Variants in CUX1 observed in about 807,000 individuals in gnomAD.
The protein encoded by CUX1 is cut like homeobox 1, also known as protein CASP.
Under a neutral mutation model 158.8 loss-of-function variants are expected in CUX1, and 31 were observed. That is an observed-to-expected ratio of 0.20 (90% CI 0.15 to 0.26). The LOEUF is 0.26. Among genes scored for constraint, CUX1 ranks in the 10% least tolerant of loss-of-function variants. The pLI is 1.00. For synonymous variants in CUX1, 879 were observed against 862.1 expected, an observed-to-expected ratio of 1.02 and a Z score of -0.34; for missense variants, 1,589 against 2,014.6, an observed-to-expected ratio of 0.79 and a Z score of 4.04.
intron 2 of CUX1, among the ~76,000 whole-genome samples, chr7:102,009,656 C>T (rs896520783): frequency 6.6e-6 from 1 of 152,254 alleles, no homozygotes; most frequent in Non-Finnish European, 1.5e-5. Context: ...GTCTTAAACC[C>T]TGGCCCTCTG....
intron 21 of CUX1, chr7:102,282,044 C>G (rs1038404303): frequency 3.0e-4 from 222 of 730,446 alleles, no homozygotes; most frequent in Non-Finnish European, 4.9e-4. Flanking sequence ...CTCTAGCTTG[C>G]GGCCATGCCT....
intron 1 of CUX1, among the ~76,000 whole-genome samples, chr7:101,915,683 TCAG>T (rs1280878989): frequency 6.6e-6 from 1 of 152,062 alleles, no homozygotes; most frequent in East Asian, 1.9e-4. Context: ...AGGGGATAGA[TCAG>T]CAGAAGGACT....
At chr7:102,264,147 A>T (rs1313552394) in intron 14 of CUX1, among the ~76,000 whole-genome samples, 1 of 150,528 alleles carries the variant, frequency 6.6e-6, no homozygotes, top group East Asian at 2.0e-4. Flanking sequence ...CTGGGATTAC[A>T]GGCGCCCACC....
In CUX1 at chr7:102,234,072, A is replaced by T. The variant is rs1357969102; in HGVS notation, c.3454A>T (p.Thr1152Ser). 1 of 1,541,970 alleles carries T rather than the reference A, an allele frequency of 6.5e-7. No individual in the cohort carries two copies. The highest frequency in any genetic ancestry group is 2.5e-5 in the East Asian group (1 of 40,654). The change falls in exon 22 of 24, where the codon ACC becomes TCC. Residue 1152 changes from threonine (T) to serine (S), a missense_variant. By Grantham distance (58) the Thr-to-Ser change is moderately conservative. This residue lies in a region of CUX1 where 259 missense variants were observed against 373.8 expected (regional missense o/e 0.69). Coordinates refer to ENST00000292535, the MANE Select transcript of CUX1 (RefSeq NM_181552.4). ...TCTAGGCCAGCGCTTATTTGGGGAG[A>T]CCATCTTAGGGCTCACCCAAGGCTC... ...NNLGQRLFGE[T>S]ILGLTQGSVS... is the part of the protein sequence containing the mutation.
chr7:101,967,047 TC>T (rs1045903810), intron 2 of CUX1, among the ~76,000 whole-genome samples: 25 of 152,086 alleles, frequency 1.6e-4, no homozygotes, highest in Non-Finnish European at 4.4e-5. Context: ...GGAGTCTCAC[TC>T]TGTTGCCCAG....
At chr7:102,111,045 T>A (rs1830829344) in intron 6 of CUX1, among the ~76,000 whole-genome samples, 1 of 152,160 alleles carries the variant, frequency 6.6e-6, no homozygotes, top group South Asian at 2.1e-4. Flanking sequence ...TTTATTATTA[T>A]GAGAGCATAT....
At chr7:101,935,692 G>C (rs898622106) in intron 2 of CUX1, among the ~76,000 whole-genome samples, 2 of 152,208 alleles carry the variant, frequency 1.3e-5, no homozygotes, top group African/African-American at 4.8e-5. Flanking sequence ...ACCCGGACCT[G>C]GTGTGGCAAT....
At chr7:101,857,522 G>A (rs1796986699) in intron 1 of CUX1, among the ~76,000 whole-genome samples, 1 of 152,206 alleles carries the variant, frequency 6.6e-6, no homozygotes, top group Admixed American at 6.5e-5. Flanking sequence ...CACGCTTTGA[G>A]TCAGGTGAAG....
intron 2 of CUX1, among the ~76,000 whole-genome samples, chr7:101,980,633 A>G (rs1487533404): frequency 3.3e-5 from 5 of 152,206 alleles, no homozygotes; most frequent in African/African-American, 1.2e-4. Flanking sequence ...GACCCTGGAG[A>G]CACCTCTCCC....
intron 4 of CUX1, among the ~76,000 whole-genome samples, chr7:102,072,473 A>G (rs1192584207): frequency 1.3e-5 from 2 of 152,206 alleles, no homozygotes; most frequent in Non-Finnish European, 1.5e-5. Flanking sequence ...TGGCCCTGCA[A>G]TCAGTCTGGT....
chr7:101,867,121 G>A (rs1489656281), intron 1 of CUX1, among the ~76,000 whole-genome samples: 5 of 152,306 alleles, frequency 3.3e-5, no homozygotes, highest in East Asian at 1.9e-4. Flanking sequence ...GGAGGCTGAG[G>A]CAGGAGAATG....
At chr7:102,278,045 C>G (rs781849984) in exon 18 of CUX1, 1 of 1,611,052 alleles carries the variant, frequency 6.2e-7, no homozygotes, top group South Asian at 1.1e-5. Context: ...GATCAAGTTC[C>G]TGCAGAGCTA....
rs150900667 is a variant in CUX1, at chr7:102,043,093, G to A, written c.189+14948G>A. On this transcript the variant is annotated intron_variant, in intron 3 of 23. Coordinates refer to ENST00000292535, the MANE Select transcript of CUX1 (RefSeq NM_181552.4). ...AGCCTCCTGATTAGCAGGGACTGTG[G>A]ACGTGTGCCACCACGCCTGGCTAAT... 4.8e-3 allele frequency among the ~76,000 whole-genome samples: 730 copies of A among 152,146 alleles called. 5 individuals are homozygous for A. The highest frequency in any genetic ancestry group is 0.016 in the African/African-American group (675 of 41,556).
chr7:102,165,158 C>T (rs905836228), intron 9 of CUX1, among the ~76,000 whole-genome samples: 2 of 152,084 alleles, frequency 1.3e-5, no homozygotes, highest in African/African-American at 4.8e-5. Flanking sequence ...CCTCTCCCCA[C>T]ACCTTCGCCC....
Position 101,869,075 on chromosome 7 carries a change from G to A in CUX1, c.31-47040G>A, listed in dbSNP as rs375975221. On this transcript the variant is annotated intron_variant, in intron 1 of 23. Transcript: ENST00000292535. The surrounding 1 kb of genome is among the most constrained non-coding windows in gnomAD (Gnocchi z 4.5). ...GACTTCCTGGCTTCCGAGGGCGGGC[G>A]AGGGGGCAAAGGGCCTGGGGCATGG... 1.8e-5 allele frequency among the ~76,000 whole-genome samples: 2 copies of A among 114,218 alleles called. No individual in the cohort carries two copies. The highest frequency in any genetic ancestry group is 3.3e-4 in the South Asian group (1 of 3,060). 74.9% of individuals were successfully genotyped at this position (114,218 alleles called of 152,430 possible). A position where few individuals can be genotyped will look rare whatever the true frequency, so the allele number is the denominator to read the frequency against.
At chr7:101,999,859 G>A (rs1373439481) in intron 2 of CUX1, among the ~76,000 whole-genome samples, 1 of 152,140 alleles carries the variant, frequency 6.6e-6, no homozygotes, top group African/African-American at 2.4e-5. Context: ...CCAAACCAGG[G>A]CCTGGTTTTA....
At chr7:102,134,661 A>G (rs1298804788) in intron 8 of CUX1, among the ~76,000 whole-genome samples, 4 of 152,168 alleles carry the variant, frequency 2.6e-5, no homozygotes, top group African/African-American at 9.7e-5. Context: ...GCAGTGGCGC[A>G]ATCACGACTC....
intron 16 of CUX1, among the ~76,000 whole-genome samples, chr7:102,274,899 G>A (rs1298747377): frequency 1.3e-5 from 2 of 152,006 alleles, no homozygotes; most frequent in Non-Finnish European, 2.9e-5. Flanking sequence ...CTTCCCCAGG[G>A]GATATAGGCC....
At chr7:102,023,269 A>AAAAT (rs1819597354) in intron 2 of CUX1, among the ~76,000 whole-genome samples, 1 of 152,004 alleles carries the variant, frequency 6.6e-6, no homozygotes, top group Non-Finnish European at 1.5e-5. Context: ...CATTTGTTCC[A>AAAAT]CTGTGGTTTT....
Sources: allele counts gnomAD v4.1 joint callset (sites outside exome capture counted in the v4.1 genomes callset), GRCh38; gene constraint gnomAD v4.1.1; regional missense constraint gnomAD v4.1.1; non-coding constraint Gnocchi (gnomAD v3.1); transcripts MANE v1.5; gene names NCBI Gene and HGNC (gene_info 2026-07-23, HGNC 2026-07-21).